Variants in ARHGEF37 observed in about 807,000 individuals in gnomAD.
ARHGEF37 encodes Rho guanine nucleotide exchange factor 37, also known as Rho guanine nucleotide exchange factor (GEF) 37.
ARHGEF37 carries 55 observed loss-of-function variants against 71.1 expected under a neutral mutation model. That is an observed-to-expected ratio of 0.77 (90% CI 0.62 to 0.97). The LOEUF (loss-of-function observed/expected upper bound fraction) is 0.97, where lower values mean the gene tolerates loss of function less well. ARHGEF37 is among the 50% of genes least tolerant of loss of function. ARHGEF37 has a pLI of 0.00. For missense variants in ARHGEF37, 765 were observed against 836.8 expected (o/e 0.91, Z 1.06); for synonymous variants, 327 against 350.6 (o/e 0.93, Z 0.75).
chr5:149,575,671 ATTTTTTTTTTTT>A (rs751297275), intron 1 of ARHGEF37, among the ~76,000 whole-genome samples: 94 of 107,282 alleles, frequency 8.8e-4, no homozygotes, highest in Admixed American at 3.0e-3. Flanking sequence ...CCAAATGACT[ATTTTTTTTTTTT>A]TTTTTTTTTT....
intron 4 of ARHGEF37, among the ~76,000 whole-genome samples, chr5:149,610,277 C>T (rs955692812): frequency 1.3e-5 from 2 of 152,134 alleles, no homozygotes; most frequent in Admixed American, 1.3e-4. Context: ...GTGTGTATCA[C>T]CTGAGGCTCC....
At chr5:149,560,219 G>A (rs1762810159) in intron 1 of ARHGEF37, among the ~76,000 whole-genome samples, 1 of 152,130 alleles carries the variant, frequency 6.6e-6, no homozygotes, top group Non-Finnish European at 1.5e-5. Context: ...AGGTTCAAGT[G>A]ATTCACCTGC....
chr5:149,565,666 G>A lies in ARHGEF37; in HGVS notation c.-12+13543G>A, dbSNP rs183565864. On this transcript the variant is annotated intron_variant, in intron 1 of 2. Coordinates refer to the ARHGEF37 transcript ENST00000505810. The stretch of plus-strand genomic sequence containing the variant: ...GACCAGTCACTGCACTAAGTGCCAG[G>A]ACTGCAATGAAGAACAAAAAAGATA... Among the ~76,000 whole-genome samples, 290 of 152,146 alleles carry A rather than the reference G, an allele frequency of 1.9e-3. 1 individual carries two copies. The highest frequency in any genetic ancestry group is 6.6e-3 in the African/African-American group (272 of 41,514).
intron 1 of ARHGEF37, among the ~76,000 whole-genome samples, chr5:149,586,768 A>G (rs1466968871): frequency 6.6e-6 from 1 of 152,236 alleles, no homozygotes; most frequent in Non-Finnish European, 1.5e-5. Context: ...TAGTAGTTTT[A>G]TCACTTTTTA....
At chr5:149,563,539 T>TATG (rs1177458737) in intron 1 of ARHGEF37, among the ~76,000 whole-genome samples, 3 of 152,234 alleles carry the variant, frequency 2.0e-5, no homozygotes, top group African/African-American at 7.2e-5. Flanking sequence ...TCTGCCCTAG[T>TATG]TGATATAGGA....
At chr5:149,563,999 C>T (rs1208195795) in intron 1 of ARHGEF37, among the ~76,000 whole-genome samples, 3 of 145,384 alleles carry the variant, frequency 2.1e-5, no homozygotes, top group Non-Finnish European at 3.0e-5. Flanking sequence ...GTCGGCCAGC[C>T]TGGAGTGCAG....
chr5:149,556,000 C>T (rs1762749290), intron 1 of ARHGEF37, among the ~76,000 whole-genome samples: 1 of 151,818 alleles, frequency 6.6e-6, no homozygotes, highest in Non-Finnish European at 1.5e-5. Flanking sequence ...TTTTTTTAAG[C>T]CACAGTGTTT....
intron 1 of ARHGEF37, among the ~76,000 whole-genome samples, chr5:149,595,237 G>A (rs750840619): frequency 6.6e-6 from 1 of 152,196 alleles, no homozygotes; most frequent in Non-Finnish European, 1.5e-5. Flanking sequence ...GTGCAGTGGT[G>A]CAATCTTGGC....
At chr5:149,585,070 A>C (rs1411457471) in intron 1 of ARHGEF37, among the ~76,000 whole-genome samples, 1 of 152,230 alleles carries the variant, frequency 6.6e-6, no homozygotes, top group African/African-American at 2.4e-5. Flanking sequence ...ATTACTCATT[A>C]GGGAAATGCA....
At position 149,625,217 on chromosome 5, in the gene ARHGEF37, T is replaced by C. The variant is rs148653749; in HGVS notation, c.1464+1077T>C. On this transcript the variant is annotated intron_variant, in intron 10 of 12. Coordinates refer to ENST00000333677, the MANE Select transcript of ARHGEF37 (RefSeq NM_001001669.3). ...ACCACACCTGGCCCCAAATGCTTTT[T>C]AAAAAATGTATTTTCCTTTAAAATA... Among the ~76,000 whole-genome samples the C allele has an allele frequency of 1.2e-3, 185 of 152,224 alleles. 1 individual carries two copies. The highest frequency in any genetic ancestry group is 4.3e-3 in the African/African-American group (180 of 41,532).
At chr5:149,555,723 A>G (rs1762745185) in intron 1 of ARHGEF37, among the ~76,000 whole-genome samples, 1 of 152,186 alleles carries the variant, frequency 6.6e-6, no homozygotes, top group Non-Finnish European at 1.5e-5. Flanking sequence ...AGCCACAACT[A>G]CTACCAAAAG....
chr5:149,595,807 T>G (rs1196124045), intron 1 of ARHGEF37, among the ~76,000 whole-genome samples: 1 of 152,206 alleles, frequency 6.6e-6, no homozygotes, highest in East Asian at 1.9e-4. Context: ...GGACCACATG[T>G]GTAGCATTGA....
intron 2 of ARHGEF37, among the ~76,000 whole-genome samples, chr5:149,599,364 C>T (rs542569242): frequency 3.3e-5 from 5 of 152,170 alleles, no homozygotes; most frequent in Non-Finnish European, 7.4e-5. Flanking sequence ...ACAGCCCCTG[C>T]AGGCCCTCAG....
In ARHGEF37 at chr5:149,627,268, G is replaced by A. The variant is rs762326314; in HGVS notation, c.1657G>A (p.Gly553Arg). ...CAGCGGCCGCTGGCTGGTGGACACC[G>A]GGGGTACGTGAGCCTTTGGGAGCCC... ...GNSGRWLVDT[G>R]GHRGYVPAGK... The change falls in exon 11 of 13, where the codon GGG (glycine) becomes AGG (arginine). Residue 553 changes from glycine (G) to arginine (R), a missense_variant. Transcript: ENST00000333677. 1.4e-5 allele frequency: 22 copies of A among 1,612,944 alleles called. No individual in the cohort carries two copies. Among genetic ancestry groups the A allele is most frequent in the South Asian group, 4.4e-5 (4 of 90,964 alleles).
chr5:149,598,322 CTTCTTT>C (rs1025550745), intron 2 of ARHGEF37, among the ~76,000 whole-genome samples: 15 of 146,596 alleles, frequency 1.0e-4, no homozygotes, highest in African/African-American at 3.9e-4. Flanking sequence ...TCTTCTTCTT[CTTCTTT>C]CTTCCTCTTC....
At chr5:149,583,415 C>T (rs573767783) in intron 1 of ARHGEF37, among the ~76,000 whole-genome samples, 1 of 152,312 alleles carries the variant, frequency 6.6e-6, no homozygotes, top group South Asian at 2.1e-4. Context: ...GGATTACAGG[C>T]GTGAGCCACT....
intron 1 of ARHGEF37, among the ~76,000 whole-genome samples, chr5:149,588,185 C>T (rs1364863677): frequency 6.7e-6 from 1 of 149,644 alleles, no homozygotes; most frequent in East Asian, 2.0e-4. Context: ...GCGTGAGCCA[C>T]GGTGCCCGGC....
At position 149,609,639 on chromosome 5, in the gene ARHGEF37, GT is replaced by G; in HGVS notation, c.403del (p.Tyr135ThrfsTer32). 1 of 1,613,134 alleles carries G rather than the reference GT, an allele frequency of 6.2e-7. No individual in the cohort carries two copies. The highest frequency in any genetic ancestry group is 1.1e-5 in the South Asian group (1 of 91,024). On this transcript the variant is annotated frameshift_variant, in exon 4 of 13. Transcript: ENST00000333677. LOFTEE classifies it high-confidence loss of function. Reference sequence around the variant, plus strand: ...ACCAGGCCTTGCTACTGGTGGACACGTACCGGAAGGAGCCGGAGCTGCAGCG... The same window carrying G: ...ACCAGGCCTTGCTACTGGTGGACACGACCGGAAGGAGCCGGAGCTGCAGCG... ...YDQALLLVDT[Y>X]RKEPELQRHI...
At chr5:149,569,909 C>G (rs369491379) in intron 1 of ARHGEF37, among the ~76,000 whole-genome samples, 1 of 152,214 alleles carries the variant, frequency 6.6e-6, no homozygotes, top group African/African-American at 2.4e-5. Context: ...GTGTGAGCCA[C>G]TGCACCTGAC....
Sources: gnomAD v4.1 joint callset for allele counts (sites outside exome capture counted in the v4.1 genomes callset) on GRCh38, gnomAD v4.1.1 for gene constraint, MANE v1.5 for transcripts, NCBI Gene and HGNC (gene_info 2026-07-23, HGNC 2026-07-21) for gene names.